The following CARD19 variants were observed in gnomAD, a reference collection of about 807,000 sequenced individuals.
CARD19 encodes the protein caspase recruitment domain-containing protein 19.
Under a neutral mutation model 24.1 loss-of-function variants are expected in CARD19, and 25 were observed. That is an observed-to-expected ratio of 1.04 (90% confidence interval 0.76 to 1.45). The LOEUF (loss-of-function observed/expected upper bound fraction) is 1.45, where lower values mean the gene tolerates loss of function less well. Ranked by LOEUF, CARD19 falls within the 40% of genes most tolerant of loss-of-function variation. The pLI is 0.00. For synonymous variants in CARD19, 103 were observed against 104.9 expected, an observed-to-expected ratio of 0.98 and a Z score of 0.11; for missense variants, 241 against 247.4, an observed-to-expected ratio of 0.97 and a Z score of 0.17.
intron 1 of CARD19, among the ~76,000 whole-genome samples, chr9:93,101,986 A>G (rs1464638647): frequency 6.9e-6 from 1 of 144,354 alleles, no homozygotes; most frequent in Non-Finnish European, 1.5e-5. Flanking sequence ...ATTTGAGACC[A>G]AGTCTCGCTC....
chr9:93,111,393 C>G, intron 3 of CARD19: 1 of 1,093,440 alleles, frequency 9.1e-7, no homozygotes, highest in Non-Finnish European at 1.1e-6. Context: ...GGAGGAGGGG[C>G]TACTGCCCCT....
Position 93,100,320 on chromosome 9 carries a change from G to T in CARD19, c.7+3968G>T, listed in dbSNP as rs995050164. On this transcript the variant is annotated intron_variant, in intron 1 of 5. Coordinates refer to ENST00000375464, the MANE Select transcript of CARD19 (RefSeq NM_032310.5). ...GACACTGTTTTTGTTTTTGTTTTTGGTTTTTTCTTTGAGACAGAGTCTCAC... is the reference window on the plus strand; with the variant it reads ...GACACTGTTTTTGTTTTTGTTTTTGTTTTTTTCTTTGAGACAGAGTCTCAC... Among the ~76,000 whole-genome samples, 7 of 152,184 alleles carry T rather than the reference G, an allele frequency of 4.6e-5. No homozygotes were observed. The East Asian group carries it at 7.7e-4, about 17-fold the overall frequency.
At chr9:93,111,084 A>G (rs1488278349) in intron 3 of CARD19, 2 of 1,318,076 alleles carry the variant, frequency 1.5e-6, no homozygotes, top group Non-Finnish European at 2.0e-6. Context: ...CCTTGTTCCC[A>G]CAGCTGCATG....
intron 2 of CARD19, among the ~76,000 whole-genome samples, chr9:93,108,509 C>T (rs1463689312): frequency 6.6e-6 from 1 of 152,014 alleles, no homozygotes; most frequent in East Asian, 1.9e-4. Flanking sequence ...CACCGAGAGC[C>T]CCTGCCTGGC....
In CARD19 at chr9:93,096,812, C is replaced by G. The variant is rs2119050767; in HGVS notation, c.7+460C>G. ...AACAACGCTCCATCCTTACAACCAC[C>G]CCAGCGAGGTCGCGGGACAGGCGAT... On this transcript the variant is annotated intron_variant, in intron 1 of 5. Coordinates refer to ENST00000375464, the MANE Select transcript of CARD19 (RefSeq NM_032310.5). This position sits in a 1 kb window ranked among gnomAD's most constrained non-coding sequence, Gnocchi z 5.4. Among the ~76,000 whole-genome samples, 1 of 152,334 alleles carries G rather than the reference C, an allele frequency of 6.6e-6. No individual in the cohort carries two copies. The highest frequency in any genetic ancestry group is 1.9e-4 in the East Asian group (1 of 5,180).
At chr9:93,101,908 A>T (rs1433867908) in intron 1 of CARD19, among the ~76,000 whole-genome samples, 2 of 151,446 alleles carry the variant, frequency 1.3e-5, no homozygotes, top group African/African-American at 4.9e-5. Flanking sequence ...GTACGAAGTG[A>T]TATCTCATTG....
At chr9:93,112,805 C>T (rs988316560) in intron 5 of CARD19, among the ~76,000 whole-genome samples, 187 bp from the exon 6 acceptor site, 7 of 152,180 alleles carry the variant, frequency 4.6e-5, no homozygotes, top group South Asian at 2.1e-4. Context: ...GTGGGTCACT[C>T]GGGTGGGAGC....
At chr9:93,106,789 T>C (rs1827281123) in intron 1 of CARD19, among the ~76,000 whole-genome samples, 1 of 152,118 alleles carries the variant, frequency 6.6e-6, no homozygotes, top group Non-Finnish European at 1.5e-5. Context: ...TTATATTCTA[T>C]AAATATTTTC....
At chr9:93,107,621 T>A in intron 1 of CARD19, 53 bp from the exon 2 acceptor site, 1 of 1,605,230 alleles carries the variant, frequency 6.2e-7, no homozygotes, top group Non-Finnish European at 8.5e-7. Context: ...GAGGCTGTCG[T>A]CTCTGGTCCC....
At chr9:93,105,667 TA>T (rs1827228018) in intron 1 of CARD19, among the ~76,000 whole-genome samples, 1 of 152,252 alleles carries the variant, frequency 6.6e-6, no homozygotes, top group Non-Finnish European at 1.5e-5. Flanking sequence ...GATCAGAAAA[TA>T]TTTTTTATAT....
intron 1 of CARD19, among the ~76,000 whole-genome samples, chr9:93,100,880 T>G (rs2119066062): frequency 6.6e-6 from 1 of 152,264 alleles, no homozygotes; most frequent in East Asian, 1.9e-4. Flanking sequence ...TCGTCCATGT[T>G]GTAACATCCA....
chr9:93,100,145 G>T (rs1827025165), intron 1 of CARD19, among the ~76,000 whole-genome samples: 1 of 152,248 alleles, frequency 6.6e-6, no homozygotes, highest in Non-Finnish European at 1.5e-5. Flanking sequence ...GAGCATGGCT[G>T]CTTTTGGGGT....
chr9:93,105,105 A>G (rs889406188), intron 1 of CARD19, among the ~76,000 whole-genome samples: 1 of 151,962 alleles, frequency 6.6e-6, no homozygotes, highest in Admixed American at 6.6e-5. Flanking sequence ...TTGCAACTAT[A>G]ATTTTCCCTC....
intron 3 of CARD19, chr9:93,111,181 A>G (rs1377794518): frequency 2.5e-6 from 3 of 1,193,780 alleles, no homozygotes; most frequent in Middle Eastern, 2.7e-4. Context: ...GGGTGTTTCC[A>G]TAGGACATTG....
At position 93,107,655 on chromosome 9, in the gene CARD19, C is replaced by A; in HGVS notation, c.8-19C>A. 1 of 1,614,032 alleles carries A rather than the reference C, an allele frequency of 6.2e-7. No individual in the cohort carries two copies. On this transcript the variant is annotated intron_variant, in intron 1 of 5. Coordinates refer to ENST00000375464, the MANE Select transcript of CARD19 (RefSeq NM_032310.5). Reference sequence around the variant, plus strand: ...CCCTTGGGCTGTGCTGGCTCATGACCCTGTGCTATCTGTTTTAGATCAGAC... The same window carrying A: ...CCCTTGGGCTGTGCTGGCTCATGACACTGTGCTATCTGTTTTAGATCAGAC...
At chr9:93,102,656 T>G (rs1370525852) in intron 1 of CARD19, among the ~76,000 whole-genome samples, 40 of 151,838 alleles carry the variant, frequency 2.6e-4, no homozygotes, top group South Asian at 4.2e-4. Flanking sequence ...GTTGTTGTTT[T>G]TTTTTTTTTT....
In CARD19 at chr9:93,113,223, T is replaced by A; in HGVS notation, c.*116T>A. ...CATATTTTTCATTATTTATAATTTG[T>A]GTAAAAAACACACCTTCACCTTACA... On this transcript the variant is annotated 3_prime_UTR_variant, in exon 6 of 6. Coordinates refer to ENST00000375464, the MANE Select transcript of CARD19 (RefSeq NM_032310.5). 1.5e-6 allele frequency: 1 copy of A among 655,066 alleles called. No individual in the cohort carries two copies. 40.6% of individuals were successfully genotyped at this position (655,066 alleles called of 1,614,324 possible).
At position 93,113,161 on chromosome 9, in the gene CARD19, G is replaced by T; in HGVS notation, c.*54G>T. The T allele has an allele frequency of 8.7e-7, 1 of 1,151,984 alleles. No individual in the cohort carries two copies. The highest frequency in any genetic ancestry group is 1.5e-5 in the South Asian group (1 of 68,616). 71.4% of individuals were successfully genotyped at this position (1,151,984 alleles called of 1,614,324 possible). ...CACTCAACCAAAGAGTCCTCGAGCC[G>T]GCCCGCCAAGGGGACTGCTGCTTCT... On this transcript the variant is annotated 3_prime_UTR_variant, in exon 6 of 6. Transcript: ENST00000375464.
At chr9:93,098,659 T>C (rs374792294) in intron 1 of CARD19, among the ~76,000 whole-genome samples, 128 of 152,310 alleles carry the variant, frequency 8.4e-4, no homozygotes, top group African/African-American at 3.0e-3. Flanking sequence ...GCTGCCTGTT[T>C]GTGTGCACAA....
Sources: gnomAD v4.1 joint callset for allele counts (sites outside exome capture counted in the v4.1 genomes callset) on GRCh38, gnomAD v4.1.1 for gene constraint, Gnocchi (gnomAD v3.1) non-coding constraint, MANE v1.5 for transcripts, NCBI Gene and HGNC (gene_info 2026-07-23, HGNC 2026-07-21) for gene names.